The following PCDHA6 variants were observed in gnomAD, a reference collection of about 807,000 sequenced individuals.
The protein encoded by PCDHA6 is protocadherin alpha-6.
PCDHA6 carries 55 observed loss-of-function variants against 60.3 expected under a neutral mutation model. The ratio of observed to expected loss-of-function variants is 0.91; its 90% CI spans 0.73 to 1.14. The LOEUF (loss-of-function observed/expected upper bound fraction) is 1.14, where lower values mean the gene tolerates loss of function less well. Ranked by LOEUF, PCDHA6 falls within the 50% of genes most tolerant of loss-of-function variation. PCDHA6 has a pLI of 0.00. For missense variants in PCDHA6, 1,327 were observed against 1,256.5 expected, an observed-to-expected ratio of 1.06 and a Z score of -0.85; for synonymous variants, 652 against 557.9, an observed-to-expected ratio of 1.17 and a Z score of -2.38.
At chr5:140,865,692 T>C (rs2048967146) in intron 1 of PCDHA6, 1 of 152,212 alleles carries the variant, frequency 6.6e-6, no homozygotes, top group Non-Finnish European at 1.5e-5. Context: ...ATATGACTGT[T>C]CCAATTTGAA....
chr5:140,836,814 A>G (rs1264836284), intron 1 of PCDHA6: 2 of 1,218,204 alleles, frequency 1.6e-6, no homozygotes, highest in African/African-American at 1.5e-5. Flanking sequence ...TTTCTTTCAT[A>G]ATTTCTTTTT....
chr5:141,007,683 A>G (rs576789056), intron 3 of PCDHA6, among the ~76,000 whole-genome samples: 1 of 152,268 alleles, frequency 6.6e-6, no homozygotes, highest in African/African-American at 2.4e-5. Context: ...AAGTTATCCT[A>G]CTTCCACCTC....
chr5:140,966,413 A>G, intron 1 of PCDHA6: 2 of 419,134 alleles, frequency 4.8e-6, no homozygotes, highest in South Asian at 1.0e-4. Flanking sequence ...GAATCAGAGC[A>G]GGACTTGCTG....
In PCDHA6 at chr5:140,849,850, C is replaced by A. The variant is rs17844329; in HGVS notation, c.2394+19365C>A. ...GAGGTGGCCGACGTGAACGACAACG[C>A]ACCAGCGTTCGCGCAGTCCGAGTAC... On this transcript the variant is annotated intron_variant, in intron 1 of 3. Transcript: ENST00000529310. The A allele has an allele frequency of 2.5e-4, 392 of 1,598,618 alleles. 6 individuals carry two copies. The East Asian group carries it at 8.6e-3, about 35-fold the overall frequency.
intron 1 of PCDHA6, chr5:140,884,678 A>T (rs781881057): frequency 1.0e-5 from 16 of 1,553,210 alleles, no homozygotes; most frequent in South Asian, 4.9e-5. Context: ...CTTATATTTT[A>T]AAAAATTGTC....
At chr5:140,871,057 G>A (rs1554165044) in intron 1 of PCDHA6, 7 of 1,613,300 alleles carry the variant, frequency 4.3e-6, no homozygotes, top group Non-Finnish European at 5.9e-6. Flanking sequence ...ACTGGTGAAG[G>A]ATCACGGTGA....
intron 1 of PCDHA6, among the ~76,000 whole-genome samples, chr5:140,973,282 C>T (rs1554235080): frequency 2.6e-5 from 4 of 152,148 alleles, no homozygotes; most frequent in African/African-American, 7.2e-5. Context: ...TCCCCCAGCA[C>T]TGATTTTTCT....
intron 1 of PCDHA6, chr5:140,856,366 G>A (rs1388631411): frequency 1.3e-6 from 2 of 1,598,482 alleles, no homozygotes; most frequent in Admixed American, 1.7e-5. Context: ...TCCACCTGGA[G>A]GTGATCGTGG....
At chr5:140,833,764 A>G (rs1310770035) in intron 1 of PCDHA6, among the ~76,000 whole-genome samples, 2 of 151,920 alleles carry the variant, frequency 1.3e-5, no homozygotes, top group African/African-American at 4.8e-5. Context: ...ACACACACAC[A>G]CACCGCTTTC....
intron 1 of PCDHA6, among the ~76,000 whole-genome samples, chr5:140,903,666 A>T (rs1554191076): frequency 6.6e-6 from 1 of 152,228 alleles, no homozygotes; most frequent in African/African-American, 2.4e-5. Flanking sequence ...AATTTAACTG[A>T]TATAAAAGAT....
chr5:140,867,157 C>T (rs1194187128), intron 1 of PCDHA6: 2 of 152,166 alleles, frequency 1.3e-5, no homozygotes, highest in East Asian at 3.9e-4. Context: ...CCAGAGTAAA[C>T]CTTCTAAGGT....
intron 1 of PCDHA6, among the ~76,000 whole-genome samples, chr5:140,941,202 C>CCTTTCTTCCTTTCTTTCTTTCTTTCTTT (rs1394736170): frequency 6.0e-4 from 74 of 122,806 alleles, no homozygotes; most frequent in Middle Eastern, 4.2e-3. Flanking sequence ...TTTCTTTCTT[C>CCTTTCTTCCTTTCTTTCTTTCTTTCTTT]CTTTCTTTCT....
chr5:140,882,263 T>G (rs1554173290), intron 1 of PCDHA6: 3 of 1,604,900 alleles, frequency 1.9e-6, no homozygotes. Context: ...GTTTTTGGAG[T>G]GTACCATGCT....
At chr5:140,885,203 C>A (rs1348633653) in intron 1 of PCDHA6, among the ~76,000 whole-genome samples, 2 of 151,986 alleles carry the variant, frequency 1.3e-5, no homozygotes, top group African/African-American at 2.4e-5. Flanking sequence ...TCTCATATAT[C>A]CCATGAAAAA....
chr5:140,836,517 G>A (rs2150262716), intron 1 of PCDHA6: 2 of 1,613,868 alleles, frequency 1.2e-6, no homozygotes, highest in African/African-American at 2.7e-5. Flanking sequence ...CAGTCTGTTG[G>A]TGCTTACCCT....
intron 1 of PCDHA6, among the ~76,000 whole-genome samples, chr5:140,942,596 A>G (rs116159999): frequency 2.2e-4 from 31 of 142,420 alleles, no homozygotes; most frequent in Admixed American, 2.0e-3. Flanking sequence ...ACATATAATT[A>G]TAGTGTTTAT....
In PCDHA6 at chr5:140,959,652, T is replaced by C. The variant is rs538144488; in HGVS notation, c.2395-19297T>C. 1.3e-4 allele frequency among the ~76,000 whole-genome samples: 20 copies of C among 152,234 alleles called. No individual in the cohort carries two copies. In the South Asian group the frequency reaches 4.2e-3, roughly 32 times the overall value. On this transcript the variant is annotated intron_variant, in intron 1 of 3. Transcript: ENST00000529310. ...AGAGAGAAAAAACACAGAAGCAAAATTGAAGAATTTGTAAATCATTTCTAA... is the reference window on the plus strand; with the variant it reads ...AGAGAGAAAAAACACAGAAGCAAAACTGAAGAATTTGTAAATCATTTCTAA...
intron 3 of PCDHA6, among the ~76,000 whole-genome samples, chr5:140,999,519 G>A (rs1303009823): frequency 6.6e-6 from 1 of 152,074 alleles, no homozygotes; most frequent in Non-Finnish European, 1.5e-5. Context: ...TAAGCATTTT[G>A]TTACCCCCTG....
intron 1 of PCDHA6, chr5:140,860,410 A>T (rs2046380485): frequency 6.6e-6 from 1 of 152,082 alleles, no homozygotes; most frequent in Non-Finnish European, 1.5e-5. Context: ...AGCAATAGTA[A>T]CACCATTATC....
Sources: gnomAD v4.1 joint callset for allele counts (sites outside exome capture counted in the v4.1 genomes callset) on GRCh38, gnomAD v4.1.1 for gene constraint, MANE v1.5 for transcripts, NCBI Gene and HGNC (gene_info 2026-07-23, HGNC 2026-07-21) for gene names.